EFHC2: variants seen among roughly 807,000 people sequenced by gnomAD.
The protein encoded by EFHC2 is EF-hand domain-containing family member C2.
In EFHC2, 18 loss-of-function variants were observed where a neutral mutation model predicts 52.7. That is an observed-to-expected ratio of 0.34 (90% CI 0.24 to 0.51). The LOEUF (loss-of-function observed/expected upper bound fraction) is 0.51. EFHC2 is among the 20% of genes least tolerant of loss of function. The probability of loss-of-function intolerance (pLI) is 0.97; values close to 1 mark genes in which losing one functional copy is unlikely to be tolerated. For synonymous variants in EFHC2, 203 were observed against 204.1 expected, an observed-to-expected ratio of 0.99 and a Z score of 0.04; for missense variants, 513 against 562.5, an observed-to-expected ratio of 0.91 and a Z score of 0.89.
rs904596246 is a variant in EFHC2, at chrX:44,194,538, C to A, written c.1752-15974G>T. ...CACAGAACATCAGTACCAAATATAG[C>A]AGTTTTCAAAGTAATGGAAGAAATC... is the stretch of plus-strand genomic sequence containing the variant. On this transcript the variant is annotated intron_variant, in intron 11 of 14. Transcript: ENST00000420999. Among the ~76,000 whole-genome samples the A allele has an allele frequency of 7.1e-5, 8 of 112,201 alleles. No individual in the cohort carries two copies. The Admixed American group carries it at 7.6e-4, about 11-fold the overall frequency.
intron 2 of EFHC2, chrX:44,286,204 G>T: frequency 1.7e-5 from 2 of 115,963 alleles, no homozygotes; most frequent in South Asian, 6.0e-4. Context: ...CCCACACCTT[G>T]ACCGTCTTGC....
intron 2 of EFHC2, among the ~76,000 whole-genome samples, chrX:44,299,642 C>T (rs2037854009): frequency 1.8e-5 from 2 of 111,588 alleles, no homozygotes; most frequent in African/African-American, 3.3e-5. Flanking sequence ...AAGCTGTACC[C>T]CGACCACCTT....
chrX:44,200,020 G>T (rs991800116), intron 11 of EFHC2, among the ~76,000 whole-genome samples: 6 of 111,738 alleles, frequency 5.4e-5, no homozygotes, highest in African/African-American at 1.9e-4. Flanking sequence ...ACAGAAAAAT[G>T]ACAGTGAAAA....
chrX:44,276,376 C>G (rs1315311063), intron 2 of EFHC2, among the ~76,000 whole-genome samples: 1 of 111,430 alleles, frequency 9.0e-6, no homozygotes, highest in African/African-American at 3.3e-5. Context: ...CTGCACTGGG[C>G]TATGATCATG....
intron 1 of EFHC2, among the ~76,000 whole-genome samples, chrX:44,325,566 A>C (rs2038046802): frequency 1.8e-5 from 2 of 109,956 alleles, no homozygotes; most frequent in African/African-American, 6.6e-5. Flanking sequence ...AAGTTGATTA[A>C]TCAATTAGTT....
intron 11 of EFHC2, among the ~76,000 whole-genome samples, chrX:44,180,492 G>T (rs994913927): frequency 1.8e-5 from 2 of 111,807 alleles, no homozygotes; most frequent in Non-Finnish European, 3.8e-5. Flanking sequence ...TCGTAATCCC[G>T]GCACTTAGGG....
At chrX:44,324,525 G>A (rs5906917) in intron 1 of EFHC2, among the ~76,000 whole-genome samples, 48,174 of 109,484 alleles carry the variant, frequency 0.44, 7,782 homozygotes, top group East Asian at 0.58. Context: ...GCTTCTTTGA[G>A]GGGCAGCAAC....
chrX:44,250,923 T>C (rs1233306411), intron 4 of EFHC2, among the ~76,000 whole-genome samples: 9 of 109,060 alleles, frequency 8.3e-5, no homozygotes, highest in African/African-American at 3.0e-4. Flanking sequence ...CATAGATACA[T>C]ACACATCTAT....
At chrX:44,272,581 A>G (rs2037625359) in intron 3 of EFHC2, 105 bp downstream of exon 3, 4 of 842,184 alleles carry the variant, frequency 4.7e-6, no homozygotes, top group East Asian at 7.1e-5. Context: ...AGCAGGTTAG[A>G]CAGCCTAAAC....
chrX:44,330,286 T>C lies in EFHC2; in HGVS notation c.42+13261A>G, dbSNP rs191032304. On this transcript the variant is annotated intron_variant, in intron 1 of 14. Transcript: ENST00000420999. ...AAACCATCACAGGAGACAATCTTCA[T>C]GATGTAGGGCTAGGCAGTGAGTCCT... Among the ~76,000 whole-genome samples the C allele has an allele frequency of 3.7e-5, 4 of 109,477 alleles. No homozygotes were observed. The East Asian group carries it at 1.2e-3, about 32-fold the overall frequency.
intron 11 of EFHC2, among the ~76,000 whole-genome samples, chrX:44,182,785 G>A (rs1006642303): frequency 4.5e-5 from 5 of 111,767 alleles, no homozygotes; most frequent in Admixed American, 3.8e-4. Context: ...TTTGCCTTTA[G>A]CCAACATTGC....
chrX:44,274,555 G>C (rs1285463534), intron 2 of EFHC2, among the ~76,000 whole-genome samples: 1 of 111,655 alleles, frequency 9.0e-6, no homozygotes, highest in African/African-American at 3.3e-5. Flanking sequence ...TAGACACTGA[G>C]TTGTGTTGGA....
At chrX:44,340,657 T>TA (rs1321947122) in intron 1 of EFHC2, among the ~76,000 whole-genome samples, 33 of 105,989 alleles carry the variant, frequency 3.1e-4, no homozygotes, top group Non-Finnish European at 5.1e-4. Flanking sequence ...AGACTCCGTC[T>TA]AAAAAAAAAA....
At chrX:44,241,229 CCT>C (rs1180427156) in intron 8 of EFHC2, among the ~76,000 whole-genome samples, 2 of 111,942 alleles carry the variant, frequency 1.8e-5, no homozygotes, top group Admixed American at 9.5e-5. Context: ...CCACTTTTCC[CCT>C]GACTTCTTTC....
At position 44,178,488 on chromosome X, in the gene EFHC2, G is replaced by A; in HGVS notation, c.1828C>T (p.Pro610Ser). Residue 610 changes from proline to serine, a missense_variant, in exon 12 of 15, where the codon CCT becomes TCT. By Grantham distance (74) the Pro-to-Ser change is moderately conservative. Coordinates refer to ENST00000420999, the MANE Select transcript of EFHC2 (RefSeq NM_025184.4). ...FVTIARHYRV[P>S]EGTCSDMDFL... ...TCCATATCTGAACATGTGCCCTCAGGCACACGGTAGTGACGTGCAATGGTT... is the reference window on the plus strand; with the variant it reads ...TCCATATCTGAACATGTGCCCTCAGACACACGGTAGTGACGTGCAATGGTT... 1 of 1,207,279 alleles carries A rather than the reference G, an allele frequency of 8.3e-7. No individual in the cohort carries two copies. Among genetic ancestry groups the A allele is most frequent in the Non-Finnish European group, 1.1e-6 (1 of 893,426 alleles).
intron 11 of EFHC2, among the ~76,000 whole-genome samples, chrX:44,205,656 G>A (rs948484868): frequency 9.0e-6 from 1 of 110,911 alleles, no homozygotes; most frequent in Non-Finnish European, 1.9e-5. Flanking sequence ...ATGATGAGGC[G>A]TTCAATTCAA....
chrX:44,336,612 A>G (rs917292266), intron 1 of EFHC2, among the ~76,000 whole-genome samples: 1 of 111,720 alleles, frequency 9.0e-6, no homozygotes, highest in Non-Finnish European at 1.9e-5. Flanking sequence ...CCTGCCATTC[A>G]TAGGAGAGCA....
At chrX:44,175,457 A>G (rs764096225) in intron 13 of EFHC2, among the ~76,000 whole-genome samples, 3 of 111,801 alleles carry the variant, frequency 2.7e-5, no homozygotes, top group Non-Finnish European at 5.6e-5. Context: ...CAAAATGATT[A>G]GAAGCAGAGG....
intron 14 of EFHC2, among the ~76,000 whole-genome samples, chrX:44,150,304 G>C (rs2036560016): frequency 9.0e-6 from 1 of 111,696 alleles, no homozygotes. Context: ...GTTCAGCAGA[G>C]GGTTTAGGGT....
Sources: allele counts gnomAD v4.1 joint callset (sites outside exome capture counted in the v4.1 genomes callset), GRCh38; gene constraint gnomAD v4.1.1; transcripts MANE v1.5; gene names NCBI Gene and HGNC (gene_info 2026-07-23, HGNC 2026-07-21).